The following CDT1 variants were observed in gnomAD, a reference collection of about 807,000 sequenced individuals.
CDT1 encodes the protein chromatin licensing and DNA replication factor 1.
In CDT1, 66 loss-of-function variants were observed where a neutral mutation model predicts 49.3. The observed-to-expected ratio is 1.34, with a 90% CI of 1.10 to 1.64. The LOEUF is 1.64. Ranked by LOEUF, CDT1 falls within the 40% of genes most tolerant of loss-of-function variation. The pLI is 0.00. For missense variants in CDT1, 958 were observed against 807.7 expected, an observed-to-expected ratio of 1.19 and a Z score of -2.26; for synonymous variants, 424 against 347.4, an observed-to-expected ratio of 1.22 and a Z score of -2.45.
rs1056308959 is a variant in CDT1 at position 88,804,561 on chromosome 16, C to T, written c.245C>T (p.Thr82Ile). The change falls in exon 2 of 10, where the codon ACC becomes ATC. Residue 82 changes from threonine (T) to isoleucine (I), a missense_variant. By Grantham distance (89) the Thr-to-Ile change is moderately conservative (BLOSUM62 -1). Transcript: ENST00000301019. ...LSVDEVSSPS[T>I]PEAPDIPACP... ...TCCCACCAGGTTTCCAGCCCCAGTA[C>T]CCCCGAGGCCCCAGACATCCCAGCC... 3 of 1,612,430 alleles carry T rather than the reference C, an allele frequency of 1.9e-6. No homozygotes were observed. Among genetic ancestry groups the T allele is most frequent in the African/African-American group, 2.7e-5 (2 of 74,926 alleles).
At position 88,805,647 on chromosome 16, in the gene CDT1, CG is replaced by C; in HGVS notation, c.686+15del. The stretch of plus-strand genomic sequence containing the variant: ...AGGACATGATGCGTAGGTGAGTGGC[CG>C]GGGGTGGGCTGTGGCTGTCCTGGAG... On this transcript the variant is annotated intron_variant, in intron 4 of 9. Transcript: ENST00000301019. 2 of 1,612,466 alleles carry C rather than the reference CG, an allele frequency of 1.2e-6. No homozygotes were observed. Among genetic ancestry groups the C allele is most frequent in the Non-Finnish European group, 1.7e-6 (2 of 1,179,914 alleles).
At position 88,808,163 on chromosome 16, in the gene CDT1, G is replaced by A; in HGVS notation, c.1526G>A (p.Trp509Ter). 1 of 1,612,848 alleles carries A rather than the reference G, an allele frequency of 6.2e-7. No individual in the cohort carries two copies. Among genetic ancestry groups the A allele is most frequent in the Non-Finnish European group, 8.5e-7 (1 of 1,179,962 alleles). ...CTCCTCTCCGAGCTGCTGCCGGACT[G>A]GCTCAGCCTCCACCGCATCCGCACC... ...LLLLSELLPD[W>*]LSLHRIRTDT... Residue 509 changes from tryptophan (W) to a stop codon, truncating the protein, a stop_gained, in exon 10 of 10, where the codon TGG becomes TAG. Coordinates refer to ENST00000301019, the MANE Select transcript of CDT1 (RefSeq NM_030928.4). LOFTEE classifies it low-confidence loss of function (END_TRUNC).
At chr16:88,807,581 G>A in intron 9 of CDT1, 99 bp downstream of exon 9, 2 of 1,201,662 alleles carry the variant, frequency 1.7e-6, no homozygotes, top group Non-Finnish European at 2.4e-6. Flanking sequence ...TCACTGATCT[G>A]TTCTGTTCAG....
rs1170578036 is a variant in CDT1 at position 88,808,298 on chromosome 16, C to T, written c.*20C>T. On this transcript the variant is annotated 3_prime_UTR_variant, in exon 10 of 10. Transcript: ENST00000301019. ...CTGTGAGCCTGGGGGCCACTGTGGA[C>T]AGACGTGGGCTTCAGAAGCTCGCTG... The T allele has an allele frequency of 1.3e-6, 2 of 1,564,494 alleles. No individual in the cohort carries two copies. The highest frequency in any genetic ancestry group is 1.4e-5 in the African/African-American group (1 of 73,940).
In CDT1 at chr16:88,808,371, C is replaced by T. The variant is rs2142947970; in HGVS notation, c.*93C>T. The T allele has an allele frequency of 3.6e-6, 5 of 1,403,274 alleles. No individual in the cohort carries two copies. In the South Asian group the frequency reaches 5.4e-5, roughly 15 times the overall value. The allele number at this position is 1,403,274 out of a possible 1,614,324, so 86.9% of individuals were successfully genotyped here. On this transcript the variant is annotated 3_prime_UTR_variant, in exon 10 of 10. Coordinates refer to ENST00000301019, the MANE Select transcript of CDT1 (RefSeq NM_030928.4). Reference sequence around the variant, plus strand: ...TTTTATGAACATGATACACTTTGGCCTTCCTTTCCCCAGCGCCCCTGAGGG... The same window carrying T: ...TTTTATGAACATGATACACTTTGGCTTTCCTTTCCCCAGCGCCCCTGAGGG...
chr16:88,807,228 G>T lies in CDT1; in HGVS notation c.1275+25G>T, dbSNP rs1265384568. 4 of 1,611,278 alleles carry T rather than the reference G, an allele frequency of 2.5e-6. No homozygotes were observed. The Admixed American group carries it at 6.7e-5, about 27-fold the overall frequency. ...GGTGAGTCGTCCCCAGTGATGGCGG[G>T]TGGGCGCCTGGTGACCTGCTGCCCA... is the stretch of plus-strand genomic sequence containing the variant. On this transcript the variant is annotated intron_variant, in intron 8 of 9. Transcript: ENST00000301019.
chr16:88,807,387 T>C lies in CDT1; in HGVS notation c.1382T>C (p.Leu461Pro), dbSNP rs1431743334. 1 of 1,612,782 alleles carries C rather than the reference T, an allele frequency of 6.2e-7. No homozygotes were observed. Among genetic ancestry groups the C allele is most frequent in the Non-Finnish European group, 8.5e-7 (1 of 1,179,968 alleles). The change falls in exon 9 of 10, where the codon CTG (leucine) becomes CCG (proline). Residue 461 changes from leucine (L) to proline (P), a missense_variant. Transcript: ENST00000301019. ...CGGCTGCCTGAGCTGGCCCGCGTGC[T>C]GCGGAGCGTCTTTGTGTCCGAACGC... Reference protein sequence around the residue: ...LERLPELARVLRSVFVSERKP... With the variant: ...LERLPELARVPRSVFVSERKP...
In CDT1 at chr16:88,804,552, G is replaced by GC; in HGVS notation, c.240dup (p.Ser81GlnfsTer42). 1 of 1,612,330 alleles carries GC rather than the reference G, an allele frequency of 6.2e-7. No homozygotes were observed. The highest frequency in any genetic ancestry group is 2.2e-5 in the East Asian group (1 of 44,886). On this transcript the variant is annotated frameshift_variant, in exon 2 of 10. Coordinates refer to ENST00000301019, the MANE Select transcript of CDT1 (RefSeq NM_030928.4). LOFTEE classifies it high-confidence loss of function. The stretch of plus-strand genomic sequence containing the variant: ...TGGGGTCCCTCCCACCAGGTTTCCA[G>GC]CCCCAGTACCCCCGAGGCCCCAGAC...
At position 88,803,986 on chromosome 16, in the gene CDT1, G is replaced by A; in HGVS notation, c.155G>A (p.Arg52His). 3 of 1,445,354 alleles carry A rather than the reference G, an allele frequency of 2.1e-6. No homozygotes were observed. The highest frequency in any genetic ancestry group is 1.3e-5 in the South Asian group (1 of 74,678). 89.5% of individuals were successfully genotyped at this position (1,445,354 alleles called of 1,614,324 possible). A position where few individuals can be genotyped will look rare whatever the true frequency, so the allele number is the denominator to read the frequency against. The stretch of plus-strand genomic sequence containing the variant: ...ACCAGTGGCAGCCGCAAGCGCGCCC[G>A]CCCGCCCGCCGCCCCCGGACGCGAC... ...SATSGSRKRA[R>H]PPAAPGRDQA... The change falls in exon 1 of 10, where the codon CGC becomes CAC. Residue 52 changes from arginine (R) to histidine (H), a missense_variant. By Grantham distance (29) the Arg-to-His change is conservative. Coordinates refer to ENST00000301019, the MANE Select transcript of CDT1 (RefSeq NM_030928.4).
In CDT1 at chr16:88,804,802, G is replaced by T; in HGVS notation, c.392G>T (p.Arg131Leu). ...SELASCLQRA[R>L]ELGARVRALK... ...CTTGCGTCATGCCTGCAACGGGCCC[G>T]GGAGCTGGGGGCAAGAGTCCGGGCG... The change falls in exon 3 of 10, where the codon CGG (arginine) becomes CTG (leucine). Residue 131 changes from arginine (R) to leucine (L), a missense_variant. Transcript: ENST00000301019. The T allele has an allele frequency of 6.2e-7, 1 of 1,612,732 alleles. No homozygotes were observed. Among genetic ancestry groups the T allele is most frequent in the South Asian group, 1.1e-5 (1 of 91,084 alleles).
At chr16:88,805,328 C>T (rs1403652060) in intron 3 of CDT1, 112 bp from the exon 4 acceptor site, 5 of 1,299,118 alleles carry the variant, frequency 3.8e-6, no homozygotes, top group African/African-American at 1.5e-5. Flanking sequence ...CGAAAGCCAT[C>T]GTGTGTGGCA....
At position 88,807,372 on chromosome 16, in the gene CDT1, A is replaced by G; in HGVS notation, c.1367A>G (p.Glu456Gly). The stretch of plus-strand genomic sequence containing the variant: ...CTGCAGCGCTTAGAACGGCTGCCTG[A>G]GCTGGCCCGCGTGCTGCGGAGCGTC... ...QRLQRLERLP[E>G]LARVLRSVFV... The change falls in exon 9 of 10, where the codon GAG becomes GGG. Residue 456 changes from glutamate (E) to glycine (G), a missense_variant. Transcript: ENST00000301019. 1 of 1,612,664 alleles carries G rather than the reference A, an allele frequency of 6.2e-7. No individual in the cohort carries two copies. Among genetic ancestry groups the G allele is most frequent in the Non-Finnish European group, 8.5e-7 (1 of 1,179,962 alleles).
At chr16:88,807,816 C>T (rs1043414405) in intron 9 of CDT1, among the ~76,000 whole-genome samples, 4 of 152,206 alleles carry the variant, frequency 2.6e-5, no homozygotes, top group Non-Finnish European at 5.9e-5. Context: ...AGGCCCTGAG[C>T]ACATAGGGGT....
chr16:88,807,073 T>C lies in CDT1; in HGVS notation c.1145T>C (p.Leu382Ser). 1 of 1,612,892 alleles carries C rather than the reference T, an allele frequency of 6.2e-7. No individual in the cohort carries two copies. The highest frequency in any genetic ancestry group is 1.3e-5 in the African/African-American group (1 of 75,060). Residue 382 changes from leucine to serine, a missense_variant, in exon 8 of 10, where the codon TTG (leucine) becomes TCG (serine). Transcript: ENST00000301019. ...CAGATGGAGAAGGCCTTGAGTCAAT[T>C]GGCCCTGCGCTCTGCTGCGCCCAGC... ...SPRMEKALSQLALRSAAPSSP... is the reference protein window; with the variant it reads ...SPRMEKALSQSALRSAAPSSP...
rs1908899977 is a variant in CDT1, at chr16:88,807,339, A to G, written c.1334A>G (p.Glu445Gly). Residue 445 changes from glutamate (E) to glycine (G), a missense_variant, in exon 9 of 10, where the codon GAG becomes GGG. Physicochemically the swap from Glu to Gly is moderately conservative, Grantham distance 98. Transcript: ENST00000301019. The stretch of plus-strand genomic sequence containing the variant: ...CAGATGACGCGGTGCCCGGAGCAGG[A>G]GCAGCGGCTGCAGCGCTTAGAACGG... ...LAQMTRCPEQ[E>G]QRLQRLERLP... 1 of 1,612,616 alleles carries G rather than the reference A, an allele frequency of 6.2e-7. No homozygotes were observed. Among genetic ancestry groups the G allele is most frequent in the Non-Finnish European group, 8.5e-7 (1 of 1,179,936 alleles).
chr16:88,804,742 G>C lies in CDT1; in HGVS notation c.352-20G>C. On this transcript the variant is annotated intron_variant, in intron 2 of 9. Transcript: ENST00000301019. ...CTGCCTGCCTGCCTGACGGCACCGT[G>C]TCCCCTGATCCCCCTGAAGGACACC... 6.2e-7 allele frequency: 1 copy of C among 1,612,764 alleles called. No individual in the cohort carries two copies.
Position 88,804,665 on chromosome 16 carries a change from C to A in CDT1, c.349C>A (p.Gln117Lys), listed in dbSNP as rs755836854. 5.6e-6 allele frequency: 9 copies of A among 1,612,388 alleles called. No homozygotes were observed. In the East Asian group the frequency reaches 1.6e-4, roughly 28 times the overall value. ...GCCCCACCTGACATCCGCGCAGGACCAGGTGAGGGGCGGGGCCTGGGGCAG... is the reference window on the plus strand; with the variant it reads ...GCCCCACCTGACATCCGCGCAGGACAAGGTGAGGGGCGGGGCCTGGGGCAG... ...QPPHLTSAQD[Q>K]DTISELASCL... The change falls in exon 2 of 10, where the codon CAG becomes AAG. Residue 117 changes from glutamine (Q) to lysine (K), a missense_variant and splice_region_variant. Transcript: ENST00000301019.
intron 1 of CDT1, 61 bp from the exon 2 acceptor site, chr16:88,804,484 T>C: frequency 6.3e-7 from 1 of 1,584,652 alleles, no homozygotes; most frequent in South Asian, 1.1e-5. Context: ...TTCGGGGTCC[T>C]CTGCAGAGCC....
intron 6 of CDT1, 182 bp downstream of exon 6, chr16:88,806,303 A>G (rs1908853762): frequency 1.0e-6 from 1 of 974,698 alleles, no homozygotes; most frequent in South Asian, 1.4e-5. Context: ...GGAGGTCCCC[A>G]AGGCGTTCAG....
Sources: allele counts gnomAD v4.1 joint callset (sites outside exome capture counted in the v4.1 genomes callset), GRCh38; gene constraint gnomAD v4.1.1; transcripts MANE v1.5; gene names NCBI Gene and HGNC (gene_info 2026-07-23, HGNC 2026-07-21).